Variants in ZNF525 observed in about 807,000 individuals in gnomAD.
The protein encoded by ZNF525 is zinc finger protein 525.
In ZNF525, 33 loss-of-function variants were observed where a neutral mutation model predicts 37.6. That is an observed-to-expected ratio of 0.88 (90% CI 0.67 to 1.17). The LOEUF (loss-of-function observed/expected upper bound fraction) is 1.17, where lower values mean the gene tolerates loss of function less well. ZNF525 is among the 50% of genes most tolerant of loss of function. The pLI is 0.00. For missense variants in ZNF525, 449 were observed against 543.1 expected (o/e 0.83, Z 1.72); for synonymous variants, 170 against 182.3 (o/e 0.93, Z 0.54).
At position 53,380,878 on chromosome 19, in the gene ZNF525, A is replaced by G; in HGVS notation, c.299A>G (p.Gln100Arg). ...AAAGATATTCATAACTTTGAGTTTC[A>G]GTGGCAAGAAGATGAAAGAAATGGC... ...IEKDIHNFEF[Q>R]WQEDERNGHE... The change falls in exon 4 of 4, where the codon CAG becomes CGG. Residue 100 changes from glutamine to arginine, a missense_variant. Gln to Arg is a conservative substitution (Grantham distance 43, BLOSUM62 1). Transcript: ENST00000474037. 1 of 1,473,870 alleles carries G rather than the reference A, an allele frequency of 6.8e-7. No homozygotes were observed. The highest frequency in any genetic ancestry group is 9.5e-7 in the Non-Finnish European group (1 of 1,052,268). 91.3% of individuals were successfully genotyped at this position (1,473,870 alleles called of 1,614,324 possible).
chr19:53,379,977 G>A (rs1248388352), intron 3 of ZNF525, among the ~76,000 whole-genome samples: 3 of 152,038 alleles, frequency 2.0e-5, no homozygotes, highest in Non-Finnish European at 4.4e-5. Context: ...CCTCCAGCCT[G>A]TTGTGACACA....
At chr19:53,368,840 G>A (rs191677054) in intron 1 of ZNF525, among the ~76,000 whole-genome samples, 10 of 152,172 alleles carry the variant, frequency 6.6e-5, no homozygotes, top group East Asian at 3.9e-4. Flanking sequence ...TGAAATTTAC[G>A]GGATGACAGA....
Position 53,384,021 on chromosome 19 carries a change from C to T in ZNF525, c.*2002C>T, listed in dbSNP as rs577017308. The T allele has an allele frequency of 1.4e-5, 9 of 642,492 alleles. No individual in the cohort carries two copies. Among genetic ancestry groups the T allele is most frequent in the Admixed American group, 8.3e-5 (4 of 48,464 alleles). 39.8% of individuals were successfully genotyped at this position (642,492 alleles called of 1,614,324 possible). ...TGTGGCAAGGTCTTCAGTCCGACTT[C>T]ACTCCTTGCAGAATATCAGAAAATT... On this transcript the variant is annotated 3_prime_UTR_variant, in exon 4 of 4. Coordinates refer to ENST00000474037, the MANE Select transcript of ZNF525 (RefSeq NM_001348156.2).
intron 1 of ZNF525, among the ~76,000 whole-genome samples, chr19:53,366,170 G>C (rs2085442343): frequency 1.4e-5 from 2 of 144,886 alleles, no homozygotes; most frequent in East Asian, 4.0e-4. Flanking sequence ...GCCTGTCCTG[G>C]GATCCTACAA....
At position 53,383,798 on chromosome 19, in the gene ZNF525, C is replaced by T. The variant is rs921968371; in HGVS notation, c.*1779C>T. ...ATACATTGCCGTTCATTGGCGAACT[C>T]ATGCTGGAGAGAAATCTTACAATGT... On this transcript the variant is annotated 3_prime_UTR_variant, in exon 4 of 4. Coordinates refer to ENST00000474037, the MANE Select transcript of ZNF525 (RefSeq NM_001348156.2). 27 of 529,620 alleles carry T rather than the reference C, an allele frequency of 5.1e-5. No homozygotes were observed. The highest frequency in any genetic ancestry group is 2.1e-4 in the South Asian group (12 of 58,442). 32.8% of individuals were successfully genotyped at this position (529,620 alleles called of 1,614,324 possible).
At chr19:53,368,129 G>A (rs892884367) in intron 1 of ZNF525, among the ~76,000 whole-genome samples, 5 of 152,084 alleles carry the variant, frequency 3.3e-5, no homozygotes, top group African/African-American at 1.2e-4. Context: ...AAGATGGTCT[G>A]ATTGTTTCAA....
rs2147075885 is a variant in ZNF525, at chr19:53,383,459, T to C, written c.*1440T>C. On this transcript the variant is annotated 3_prime_UTR_variant, in exon 4 of 4. Transcript: ENST00000474037. The stretch of plus-strand genomic sequence containing the variant: ...AATCAAACCTCGAAAGACAGGAGAA[T>C]TCATACTGGAGAGAAACCATAAAAA... 6 of 1,024,776 alleles carry C rather than the reference T, an allele frequency of 5.9e-6. No individual in the cohort carries two copies. Among genetic ancestry groups the C allele is most frequent in the South Asian group, 5.1e-5 (4 of 78,370 alleles). The allele number at this position is 1,024,776 out of a possible 1,614,324, so 63.5% of individuals were successfully genotyped here. A position where few individuals can be genotyped will look rare whatever the true frequency, so the allele number is the denominator to read the frequency against.
At chr19:53,366,785 A>G (rs35155994) in intron 1 of ZNF525, among the ~76,000 whole-genome samples, 36,526 of 133,022 alleles carry the variant, frequency 0.27, 4,552 homozygotes, top group African/African-American at 0.34. Context: ...CTGGGGTGCC[A>G]GAGAGTGGGG....
chr19:53,385,193 T>G lies in ZNF525; in HGVS notation c.*3174T>G. 2.0e-6 allele frequency: 1 copy of G among 500,852 alleles called. No homozygotes were observed. Among genetic ancestry groups the G allele is most frequent in the Non-Finnish European group, 3.5e-6 (1 of 285,382 alleles). 31.0% of individuals were successfully genotyped at this position (500,852 alleles called of 1,614,324 possible). On this transcript the variant is annotated 3_prime_UTR_variant, in exon 4 of 4. Coordinates refer to ENST00000474037, the MANE Select transcript of ZNF525 (RefSeq NM_001348156.2). ...TCTAGGACAAGGGATCTTCAAGAAGTTCTGGAAAAATACATATTATGAGAA... is the reference window on the plus strand; with the variant it reads ...TCTAGGACAAGGGATCTTCAAGAAGGTCTGGAAAAATACATATTATGAGAA...
intron 3 of ZNF525, among the ~76,000 whole-genome samples, chr19:53,380,152 G>A (rs952231225): frequency 6.6e-6 from 1 of 151,112 alleles, no homozygotes; most frequent in Admixed American, 6.6e-5. Context: ...GTACAGTGGT[G>A]CGATCTCGGC....
intron 3 of ZNF525, among the ~76,000 whole-genome samples, chr19:53,376,677 C>G (rs766344393): frequency 8.5e-5 from 13 of 152,110 alleles, no homozygotes; most frequent in Non-Finnish European, 1.6e-4. Flanking sequence ...ACATCTCGGG[C>G]TCAAACAATT....
At chr19:53,366,982 G>GA (rs1555826300) in intron 1 of ZNF525, among the ~76,000 whole-genome samples, 1 of 151,812 alleles carries the variant, frequency 6.6e-6, no homozygotes, top group Non-Finnish European at 1.5e-5. Flanking sequence ...CACAGAGTGG[G>GA]TTTTTTTTGC....
intron 2 of ZNF525, among the ~76,000 whole-genome samples, chr19:53,373,198 T>C (rs945406290): frequency 6.6e-6 from 1 of 152,136 alleles, no homozygotes; most frequent in Non-Finnish European, 1.5e-5. Flanking sequence ...GTTCAAGCGA[T>C]TCTCCTGCTT....
At chr19:53,379,750 C>T (rs900175220) in intron 3 of ZNF525, among the ~76,000 whole-genome samples, 10 of 152,176 alleles carry the variant, frequency 6.6e-5, no homozygotes, top group African/African-American at 2.4e-4. Flanking sequence ...GCCTGCAATC[C>T]CAGGACTTTG....
chr19:53,379,633 A>G (rs1260383978), intron 3 of ZNF525, among the ~76,000 whole-genome samples: 2 of 152,214 alleles, frequency 1.3e-5, no homozygotes, highest in Non-Finnish European at 2.9e-5. Context: ...TATTTTACCA[A>G]TTCATTTTTA....
Position 53,381,336 on chromosome 19 carries a change from A to G in ZNF525, c.757A>G (p.Ile253Val). The G allele has an allele frequency of 6.4e-7, 1 of 1,568,778 alleles. No individual in the cohort carries two copies. Among genetic ancestry groups the G allele is most frequent in the Non-Finnish European group, 8.8e-7 (1 of 1,138,682 alleles). Reference sequence around the variant, plus strand: ...ATGTGATGTATGTGACAAGGTCTTTATTCGGAAGCGATACCTTGCACGCCA... The same window carrying G: ...ATGTGATGTATGTGACAAGGTCTTTGTTCGGAAGCGATACCTTGCACGCCA... ...YKCDVCDKVF[I>V]RKRYLARHRR... Residue 253 changes from isoleucine (I) to valine (V), a missense_variant, in exon 4 of 4, where the codon ATT (isoleucine) becomes GTT (valine). By Grantham distance (29) the Ile-to-Val change is conservative. Transcript: ENST00000474037.
chr19:53,372,439 C>G, intron 2 of ZNF525, 143 bp downstream of exon 2: 2 of 753,778 alleles, frequency 2.7e-6, no homozygotes, highest in South Asian at 2.9e-5. Flanking sequence ...TCCCTCTCAT[C>G]TCACTTAGAT....
Position 53,384,676 on chromosome 19 carries a change from C to T in ZNF525, c.*2657C>T. 3.3e-6 allele frequency: 1 copy of T among 303,526 alleles called. No individual in the cohort carries two copies. Among genetic ancestry groups the T allele is most frequent in the Non-Finnish European group, 6.1e-6 (1 of 164,564 alleles). 18.8% of individuals were successfully genotyped at this position (303,526 alleles called of 1,614,324 possible). Reference sequence around the variant, plus strand: ...ATCCACTGAATATGTTTGTTAGTTCCAGTACTATTTTGGTTGAGTCTGTGA... The same window carrying T: ...ATCCACTGAATATGTTTGTTAGTTCTAGTACTATTTTGGTTGAGTCTGTGA... On this transcript the variant is annotated 3_prime_UTR_variant, in exon 4 of 4. Coordinates refer to ENST00000474037, the MANE Select transcript of ZNF525 (RefSeq NM_001348156.2).
intron 1 of ZNF525, among the ~76,000 whole-genome samples, chr19:53,366,434 A>G (rs373634222): frequency 0.018 from 2,660 of 147,452 alleles, no homozygotes; most frequent in African/African-American, 0.066. Context: ...ATCGGGAGAC[A>G]GACAGCAGTA....
Sources: allele counts gnomAD v4.1 joint callset (sites outside exome capture counted in the v4.1 genomes callset), GRCh38; gene constraint gnomAD v4.1.1; transcripts MANE v1.5; gene names NCBI Gene and HGNC (gene_info 2026-07-23, HGNC 2026-07-21).